Variants in ZFAND6 observed in about 807,000 individuals in gnomAD.
The protein encoded by ZFAND6 is zinc finger AN1-type containing 6.
A neutral mutation model predicts 24.5 loss-of-function variants in ZFAND6; 12 were observed. The ratio of observed to expected loss-of-function variants is 0.49; its 90% CI spans 0.31 to 0.79. ZFAND6 has a LOEUF of 0.79. Among genes scored for constraint, ZFAND6 ranks in the 30% least tolerant of loss-of-function variants. The pLI, the probability that ZFAND6 is intolerant of heterozygous loss-of-function variation, is 0.04. For missense variants in ZFAND6, 207 were observed against 245.9 expected (o/e 0.84, Z 1.06); for synonymous variants, 92 against 81.5 (o/e 1.13, Z -0.69).
chr15:80,138,171 G>A lies in ZFAND6; in HGVS notation c.*543G>A, dbSNP rs1201594595. 1 of 152,748 alleles carries A rather than the reference G, an allele frequency of 6.5e-6. No homozygotes were observed. The highest frequency in any genetic ancestry group is 2.4e-5 in the African/African-American group (1 of 41,468). 9.5% of individuals were successfully genotyped at this position (152,748 alleles called of 1,614,324 possible). On this transcript the variant is annotated 3_prime_UTR_variant, in exon 7 of 7. Transcript: ENST00000261749. The stretch of plus-strand genomic sequence containing the variant: ...TGTCTGAATCATTTGTCACAAGAGA[G>A]TGTGTGCTGATGAGATTGTAAGTTT...
At chr15:80,110,882 C>T (rs1199511595) in intron 2 of ZFAND6, among the ~76,000 whole-genome samples, 1 of 152,218 alleles carries the variant, frequency 6.6e-6, no homozygotes, top group Admixed American at 6.5e-5. Context: ...TAGCTTCTCA[C>T]ATGCCCAGCC....
chr15:80,113,956 A>G (rs1455409893), intron 2 of ZFAND6, among the ~76,000 whole-genome samples: 1 of 151,992 alleles, frequency 6.6e-6, no homozygotes, highest in Non-Finnish European at 1.5e-5. Flanking sequence ...GAAGAAATAG[A>G]ATTTAAGCTG....
chr15:80,121,352 T>C (rs1300847459), intron 3 of ZFAND6, among the ~76,000 whole-genome samples: 1 of 152,236 alleles, frequency 6.6e-6, no homozygotes, highest in Non-Finnish European at 1.5e-5. Context: ...GCATAGATTT[T>C]AATTCTGAAC....
At chr15:80,097,509 G>A (rs1033982909) in intron 1 of ZFAND6, among the ~76,000 whole-genome samples, 4 of 151,988 alleles carry the variant, frequency 2.6e-5, no homozygotes, top group South Asian at 2.1e-4. Context: ...TTAGCCAGGC[G>A]TGATGGTTGG....
chr15:80,086,189 C>T (rs1404305762), intron 1 of ZFAND6, among the ~76,000 whole-genome samples: 2 of 152,130 alleles, frequency 1.3e-5, no homozygotes, highest in Non-Finnish European at 2.9e-5. Flanking sequence ...CAGGCATGCA[C>T]CACCACACCC....
chr15:80,131,091 C>A (rs1366049296), intron 5 of ZFAND6, 89 bp from the exon 6 acceptor site: 1 of 970,536 alleles, frequency 1.0e-6, no homozygotes, highest in Non-Finnish European at 1.5e-6. Context: ...TCCTCAGTAT[C>A]CTCTGAATAA....
chr15:80,097,192 G>A (rs2038775757), intron 1 of ZFAND6, among the ~76,000 whole-genome samples: 1 of 151,654 alleles, frequency 6.6e-6, no homozygotes, highest in Admixed American at 6.6e-5. Context: ...TAGAGACGGG[G>A]TTTCACCATG....
In ZFAND6 at chr15:80,091,160, G is replaced by GGTGTGTGTGTGT. The variant is rs61706731; in HGVS notation, c.-180-7241_-180-7230dup. ...CATATTTTCTATTTAGTTGTTAAGG[G>GGTGTGTGTGTGT]GTGTGTGTGTGTGTGTGTGTGTGTG... On this transcript the variant is annotated intron_variant, in intron 1 of 6. Transcript: ENST00000261749. Among the ~76,000 whole-genome samples, 502 of 150,272 alleles carry GGTGTGTGTGTGT rather than the reference G, an allele frequency of 3.3e-3. 3 individuals are homozygous for GGTGTGTGTGTGT. The highest frequency in any genetic ancestry group is 6.5e-3 in the South Asian group (31 of 4,734).
At chr15:80,134,322 G>A (rs1438651716) in intron 6 of ZFAND6, among the ~76,000 whole-genome samples, 1 of 152,096 alleles carries the variant, frequency 6.6e-6, no homozygotes, top group East Asian at 1.9e-4. Context: ...AATGCCCCTG[G>A]CCACCCAGAA....
intron 6 of ZFAND6, among the ~76,000 whole-genome samples, chr15:80,134,691 A>T (rs188065303): frequency 5.9e-5 from 9 of 152,326 alleles, no homozygotes. Context: ...GATCTTGGAG[A>T]TATTCAGGAG....
At chr15:80,066,368 A>AGT (rs1383876486) in intron 1 of ZFAND6, among the ~76,000 whole-genome samples, 1 of 151,292 alleles carries the variant, frequency 6.6e-6, no homozygotes, top group Admixed American at 6.6e-5. Context: ...GCTGGAGTGC[A>AGT]GTGGTGTGGT....
intron 2 of ZFAND6, among the ~76,000 whole-genome samples, chr15:80,109,017 C>T (rs190820729): frequency 8.5e-5 from 13 of 152,214 alleles, no homozygotes; most frequent in African/African-American, 3.1e-4. Flanking sequence ...TGTGAGCCAC[C>T]GCGCCTGCAG....
At chr15:80,089,871 C>A (rs2038245720) in intron 1 of ZFAND6, among the ~76,000 whole-genome samples, 1 of 152,152 alleles carries the variant, frequency 6.6e-6, no homozygotes, top group Non-Finnish European at 1.5e-5. Flanking sequence ...TTAAGAGTAT[C>A]AGTCTACTTG....
Position 80,126,426 on chromosome 15 carries a change from CA to C in ZFAND6, c.364+3627del, listed in dbSNP as rs1238521871. Among the ~76,000 whole-genome samples, 12 of 152,184 alleles carry C rather than the reference CA, an allele frequency of 7.9e-5. No homozygotes were observed. The East Asian group carries it at 2.3e-3, about 29-fold the overall frequency. On this transcript the variant is annotated intron_variant, in intron 5 of 6. Transcript: ENST00000261749. ...AGTAATCAAGACTGTGTTGTACCGG[CA>C]TGAGGATAGTCATGAAGGTAAGTGG...
intron 1 of ZFAND6, among the ~76,000 whole-genome samples, chr15:80,061,262 A>C (rs2036318465): frequency 6.6e-6 from 1 of 152,208 alleles, no homozygotes; most frequent in Non-Finnish European, 1.5e-5. Flanking sequence ...ATTATCTTGT[A>C]GTGATAACTT....
In ZFAND6 at chr15:80,062,286, G is replaced by T. The variant is rs188016666; in HGVS notation, c.-181+2477G>T. 1.4e-3 allele frequency among the ~76,000 whole-genome samples: 207 copies of T among 152,246 alleles called. 3 individuals are homozygous for T. Among genetic ancestry groups the T allele is most frequent in the Middle Eastern group, 6.8e-3 (2 of 294 alleles). ...CCTGTCAAATGTCACACCCTTTAAG[G>T]GAAAGCATTAGGACCAAGGTGTTAT... On this transcript the variant is annotated intron_variant, in intron 1 of 6. Coordinates refer to ENST00000261749, the MANE Select transcript of ZFAND6 (RefSeq NM_019006.4).
At chr15:80,094,095 T>C (rs1015145239) in intron 1 of ZFAND6, among the ~76,000 whole-genome samples, 35 of 152,240 alleles carry the variant, frequency 2.3e-4, no homozygotes, top group African/African-American at 8.0e-4. Flanking sequence ...AATCTGGTTC[T>C]TTTAGCTATT....
chr15:80,065,271 AAAC>A (rs2036558440), intron 1 of ZFAND6, among the ~76,000 whole-genome samples: 3 of 151,784 alleles, frequency 2.0e-5, no homozygotes, highest in Non-Finnish European at 2.9e-5. Flanking sequence ...CTAAAAAAAA[AAAC>A]AACTTGTTGC....
At chr15:80,061,085 G>A (rs1453317231) in intron 1 of ZFAND6, among the ~76,000 whole-genome samples, 1 of 152,186 alleles carries the variant, frequency 6.6e-6, no homozygotes, top group Non-Finnish European at 1.5e-5. Context: ...CACTTTCTGA[G>A]TTGTGTATAG....
Sources: gnomAD v4.1 joint callset for allele counts (sites outside exome capture counted in the v4.1 genomes callset) on GRCh38, gnomAD v4.1.1 for gene constraint, MANE v1.5 for transcripts, NCBI Gene and HGNC (gene_info 2026-07-23, HGNC 2026-07-21) for gene names.